BICC1: variants seen among roughly 807,000 people sequenced by gnomAD.
BICC1 encodes the protein protein bicaudal C homolog 1.
A neutral mutation model predicts 111.0 loss-of-function variants in BICC1; 43 were observed. The ratio of observed to expected loss-of-function variants is 0.39; its 90% CI spans 0.30 to 0.50. BICC1 has a LOEUF of 0.50. BICC1 is among the 20% of genes least tolerant of loss of function. The pLI is 0.88. For missense variants in BICC1, 1,091 were observed against 1,203.2 expected (o/e 0.91, Z 1.38); for synonymous variants, 467 against 434.4 (o/e 1.07, Z -0.93).
In BICC1 at chr10:58,538,340, C is replaced by A. The variant is rs565292418; in HGVS notation, c.190+25007C>A. Reference sequence around the variant, plus strand: ...AGCCGAATACTTACAACCAACTGATCTTTGGCAAAGCGTACAAAAACATAA... The same window carrying A: ...AGCCGAATACTTACAACCAACTGATATTTGGCAAAGCGTACAAAAACATAA... On this transcript the variant is annotated intron_variant, in intron 1 of 20. Transcript: ENST00000373886. Among the ~76,000 whole-genome samples, 10 of 151,946 alleles carry A rather than the reference C, an allele frequency of 6.6e-5. No individual in the cohort carries two copies. The South Asian group carries it at 1.5e-3, about 22-fold the overall frequency.
At chr10:58,677,202 T>C (rs879616271) in intron 2 of BICC1, among the ~76,000 whole-genome samples, 2 of 152,090 alleles carry the variant, frequency 1.3e-5, no homozygotes, top group Non-Finnish European at 2.9e-5. Context: ...GAGAATGAGT[T>C]TGATGAATTG....
chr10:58,564,979 G>T (rs535624601), intron 1 of BICC1, among the ~76,000 whole-genome samples: 1 of 152,138 alleles, frequency 6.6e-6, no homozygotes, highest in South Asian at 2.1e-4. Flanking sequence ...AAAATTATTT[G>T]ATTTACCTAT....
intron 12 of BICC1, among the ~76,000 whole-genome samples, chr10:58,799,611 C>T (rs1036937936): frequency 9.2e-5 from 14 of 151,912 alleles, no homozygotes; most frequent in Admixed American, 7.2e-4. Context: ...GATTCCTTTC[C>T]GTATTGCTTG....
chr10:58,746,342 T>A (rs568205711), intron 3 of BICC1, among the ~76,000 whole-genome samples: 90 of 152,258 alleles, frequency 5.9e-4, no homozygotes, highest in African/African-American at 2.0e-3. Context: ...TTCATAAAAA[T>A]TATTTTATGT....
Position 58,671,895 on chromosome 10 carries a change from A to G in BICC1, c.238-30179A>G, listed in dbSNP as rs546531791. On this transcript the variant is annotated intron_variant, in intron 2 of 20. Coordinates refer to ENST00000373886, the MANE Select transcript of BICC1 (RefSeq NM_001080512.3). The stretch of plus-strand genomic sequence containing the variant: ...CTTATTTGGTTTCTCATCAGCATTC[A>G]ATTCTTTTCCTTTTCTTGAGATTCC... 5.9e-5 allele frequency among the ~76,000 whole-genome samples: 9 copies of G among 152,166 alleles called. No individual in the cohort carries two copies. The East Asian group carries it at 1.7e-3, about 29-fold the overall frequency.
chr10:58,601,140 T>TTATATA (rs71033690), intron 1 of BICC1, among the ~76,000 whole-genome samples: 1,988 of 100,548 alleles, frequency 0.02, 63 homozygotes, highest in African/African-American at 0.056. Flanking sequence ...ATTTTAAAAC[T>TTATATA]TATATATATA....
intron 1 of BICC1, among the ~76,000 whole-genome samples, chr10:58,575,144 G>A (rs558938231): frequency 1.3e-5 from 2 of 151,642 alleles, no homozygotes; most frequent in African/African-American, 2.4e-5. Context: ...TAAGCCCCAC[G>A]TGCATTAGGT....
chr10:58,696,614 G>T (rs1315160813), intron 2 of BICC1, among the ~76,000 whole-genome samples: 1 of 152,136 alleles, frequency 6.6e-6, no homozygotes, highest in Non-Finnish European at 1.5e-5. Context: ...TGACATATAA[G>T]ATTGCTAGTA....
Position 58,592,681 on chromosome 10 carries a change from C to T in BICC1, c.191-28174C>T, listed in dbSNP as rs184488543. Among the ~76,000 whole-genome samples the T allele has an allele frequency of 1.1e-4, 17 of 150,348 alleles. 1 individual carries two copies. Among genetic ancestry groups the T allele is most frequent in the Non-Finnish European group, 1.3e-4 (9 of 67,680 alleles). On this transcript the variant is annotated intron_variant, in intron 1 of 20. Transcript: ENST00000373886. ...AGTGAGCCAAGATCATGCTACTGCACGCCAGCCTGGGTGACAGAGTGAGAC... is the reference window on the plus strand; with the variant it reads ...AGTGAGCCAAGATCATGCTACTGCATGCCAGCCTGGGTGACAGAGTGAGAC...
At chr10:58,639,348 A>G (rs1161134284) in intron 2 of BICC1, among the ~76,000 whole-genome samples, 2 of 151,886 alleles carry the variant, frequency 1.3e-5, no homozygotes, top group Non-Finnish European at 1.5e-5. Flanking sequence ...TAAATTCCCC[A>G]GTGAAGTAGG....
chr10:58,573,858 G>A (rs943051732), intron 1 of BICC1, among the ~76,000 whole-genome samples: 1 of 152,072 alleles, frequency 6.6e-6, no homozygotes, highest in Non-Finnish European at 1.5e-5. Flanking sequence ...AGGGGTTGAG[G>A]CATTGGACAT....
intron 2 of BICC1, among the ~76,000 whole-genome samples, chr10:58,679,673 C>CT (rs1469861609): frequency 6.6e-6 from 1 of 152,200 alleles, no homozygotes; most frequent in Admixed American, 6.5e-5. Flanking sequence ...AGACTCCTCT[C>CT]TAACTCATTT....
chr10:58,729,772 A>G (rs1162073942), intron 3 of BICC1, among the ~76,000 whole-genome samples: 1 of 152,154 alleles, frequency 6.6e-6, no homozygotes, highest in Non-Finnish European at 1.5e-5. Context: ...AAACAACCAC[A>G]TCTCGCAAGA....
chr10:58,513,731 G>C (rs1205247204), intron 1 of BICC1, among the ~76,000 whole-genome samples: 1 of 152,200 alleles, frequency 6.6e-6, no homozygotes, highest in Admixed American at 6.5e-5. Flanking sequence ...CTCGAGTTCT[G>C]TCTCTCTCCG....
At chr10:58,624,309 C>G (rs1845919017) in intron 2 of BICC1, among the ~76,000 whole-genome samples, 1 of 152,198 alleles carries the variant, frequency 6.6e-6, no homozygotes, top group South Asian at 2.1e-4. Context: ...ATATCACATT[C>G]TGAGGTCCCA....
chr10:58,800,187 A>G lies in BICC1; in HGVS notation c.1726-7A>G, dbSNP rs1242472293. 1 of 1,576,092 alleles carries G rather than the reference A, an allele frequency of 6.3e-7. No homozygotes were observed. Among genetic ancestry groups the G allele is most frequent in the Non-Finnish European group, 8.7e-7 (1 of 1,150,732 alleles). On this transcript the variant is annotated splice_region_variant and splice_polypyrimidine_tract_variant and intron_variant, in intron 12 of 20. Transcript: ENST00000373886. ...TATTTATACATTATTTTCTATTATTATTTTAGTCTCCAGATATAAAATATG... is the reference window on the plus strand; with the variant it reads ...TATTTATACATTATTTTCTATTATTGTTTTAGTCTCCAGATATAAAATATG...
At chr10:58,585,411 T>A (rs1844401976) in intron 1 of BICC1, among the ~76,000 whole-genome samples, 1 of 152,228 alleles carries the variant, frequency 6.6e-6, no homozygotes, top group Non-Finnish European at 1.5e-5. Flanking sequence ...CAACTCACAG[T>A]AAGTTTATAC....
intron 14 of BICC1, among the ~76,000 whole-genome samples, chr10:58,801,275 TC>T (rs1393247990): frequency 6.6e-6 from 1 of 152,186 alleles, no homozygotes; most frequent in African/African-American, 2.4e-5. Context: ...TATATCTGTG[TC>T]CTCTAAACCG....
rs147284667 is a variant in BICC1, at chr10:58,674,890, T to C, written c.238-27184T>C. 2.6e-4 allele frequency among the ~76,000 whole-genome samples: 39 copies of C among 152,320 alleles called. No individual in the cohort carries two copies. In the East Asian group the frequency reaches 7.0e-3, roughly 27 times the overall value. ...TAAGAGGCTGGTTGTGGCCTGGTTA[T>C]GGATAGTCTTAAATGTTAGGCTGAG... On this transcript the variant is annotated intron_variant, in intron 2 of 20. Transcript: ENST00000373886.
Sources: allele counts gnomAD v4.1 joint callset (sites outside exome capture counted in the v4.1 genomes callset), GRCh38; gene constraint gnomAD v4.1.1; transcripts MANE v1.5; gene names NCBI Gene and HGNC (gene_info 2026-07-23, HGNC 2026-07-21).